Variants in CCSER1 observed in about 807,000 individuals in gnomAD.
CCSER1 encodes the protein coiled-coil serine rich protein 1, also known as serine-rich coiled-coil domain-containing protein 1.
In CCSER1, 41 loss-of-function variants were observed where a neutral mutation model predicts 82.0. That is an observed-to-expected ratio of 0.50 (90% CI 0.39 to 0.65). CCSER1 has a LOEUF of 0.65. Among genes scored for constraint, CCSER1 ranks in the 30% least tolerant of loss-of-function variants. The pLI is 0.00. For missense variants in CCSER1, 1,119 were observed against 1,064.2 expected (o/e 1.05, Z -0.72); for synonymous variants, 414 against 383.9 (o/e 1.08, Z -0.92).
intron 1 of CCSER1, among the ~76,000 whole-genome samples, chr4:90,305,586 A>G (rs941765205): frequency 6.6e-6 from 1 of 152,234 alleles, no homozygotes; most frequent in African/African-American, 2.4e-5. Flanking sequence ...GAAAAATTGT[A>G]AGAGCTAAAA....
chr4:90,915,993 C>A (rs976626294), intron 8 of CCSER1, among the ~76,000 whole-genome samples: 3 of 152,036 alleles, frequency 2.0e-5, no homozygotes, highest in African/African-American at 7.2e-5. Flanking sequence ...AACTTCAAAC[C>A]ACTGCTCAAT....
At chr4:90,491,441 A>G (rs911188229) in intron 5 of CCSER1, among the ~76,000 whole-genome samples, 4 of 152,180 alleles carry the variant, frequency 2.6e-5, no homozygotes, top group African/African-American at 9.7e-5. Context: ...TTTTCTAAAT[A>G]TACAATCATG....
At chr4:90,791,126 G>T (rs1755172578) in intron 7 of CCSER1, among the ~76,000 whole-genome samples, 1 of 152,016 alleles carries the variant, frequency 6.6e-6, no homozygotes, top group African/African-American at 2.4e-5. Flanking sequence ...TTGAGCGAAG[G>T]AGGATGCCCC....
At chr4:91,034,680 C>T (rs4693255) in intron 9 of CCSER1, among the ~76,000 whole-genome samples, 59,589 of 151,836 alleles carry the variant, frequency 0.39, 12,430 homozygotes, top group East Asian at 0.64. Context: ...TTATATCACT[C>T]TAGTTTCATC....
At chr4:91,420,547 T>C (rs1753630556) in intron 10 of CCSER1, among the ~76,000 whole-genome samples, 1 of 152,082 alleles carries the variant, frequency 6.6e-6, no homozygotes, top group Non-Finnish European at 1.5e-5. Context: ...ATAACAATTG[T>C]TGGCAAGTCT....
chr4:90,481,634 GT>G, intron 5 of CCSER1, among the ~76,000 whole-genome samples: 1 of 152,266 alleles, frequency 6.6e-6, no homozygotes, highest in Admixed American at 6.5e-5. Context: ...TAATCATGTG[GT>G]TTTTGTCATT....
chr4:91,027,192 A>G (rs1740559387), intron 9 of CCSER1, among the ~76,000 whole-genome samples: 1 of 152,146 alleles, frequency 6.6e-6, no homozygotes, highest in African/African-American at 2.4e-5. Context: ...TAATATAACT[A>G]TGTCCCATAG....
intron 10 of CCSER1, among the ~76,000 whole-genome samples, chr4:91,175,064 C>A (rs1200494960): frequency 6.6e-6 from 1 of 152,048 alleles, no homozygotes; most frequent in Non-Finnish European, 1.5e-5. Context: ...TGAGTGAGAA[C>A]ATGTGGTGTT....
chr4:91,575,594 T>C (rs7699803), intron 10 of CCSER1, among the ~76,000 whole-genome samples: 1 of 151,940 alleles, frequency 6.6e-6, no homozygotes, highest in African/African-American at 2.4e-5. Context: ...ACCAAATATC[T>C]ATCAAAATTC....
intron 5 of CCSER1, among the ~76,000 whole-genome samples, chr4:90,469,276 C>A (rs1764038636): frequency 6.6e-6 from 1 of 151,670 alleles, no homozygotes; most frequent in South Asian, 2.1e-4. Context: ...GTGAATAGGG[C>A]AATGTATATA....
At chr4:90,598,060 T>C (rs1460658657) in intron 5 of CCSER1, among the ~76,000 whole-genome samples, 1 of 152,088 alleles carries the variant, frequency 6.6e-6, no homozygotes, top group African/African-American at 2.4e-5. Flanking sequence ...ACTTAGGTTG[T>C]TTCCATATCT....
At chr4:90,160,129 T>C (rs1458507100) in intron 1 of CCSER1, among the ~76,000 whole-genome samples, 1 of 152,166 alleles carries the variant, frequency 6.6e-6, no homozygotes, top group African/African-American at 2.4e-5. Context: ...AACTCCATAG[T>C]AGTTGTTGCA....
intron 10 of CCSER1, among the ~76,000 whole-genome samples, chr4:91,447,943 T>C (rs1203004280): frequency 6.6e-6 from 1 of 152,098 alleles, no homozygotes; most frequent in Non-Finnish European, 1.5e-5. Context: ...TTATTAAGTG[T>C]ATATTATGTT....
chr4:91,247,913 G>A (rs749444797), intron 10 of CCSER1, among the ~76,000 whole-genome samples: 84 of 151,890 alleles, frequency 5.5e-4, no homozygotes, highest in Non-Finnish European at 8.1e-4. Flanking sequence ...CAAAAAACAC[G>A]AACCGGGACT....
At chr4:90,295,140 C>T (rs1579012649) in intron 1 of CCSER1, among the ~76,000 whole-genome samples, 1 of 151,866 alleles carries the variant, frequency 6.6e-6, no homozygotes, top group South Asian at 2.1e-4. Flanking sequence ...TATATTTTCA[C>T]TACAATAAGC....
rs1368701709 is a variant in CCSER1, at chr4:91,241,502, A to G, written c.2217+155508A>G. ...CACCACGCCCGGCTAATTTTTCTGT[A>G]TTTTTAATAGAGACGGGGTTTCCCT... is the stretch of plus-strand genomic sequence containing the variant. On this transcript the variant is annotated intron_variant, in intron 10 of 10. Transcript: ENST00000509176. 2.0e-5 allele frequency among the ~76,000 whole-genome samples: 3 copies of G among 148,552 alleles called. No individual in the cohort carries two copies. In the East Asian group the frequency reaches 5.9e-4, roughly 29 times the overall value.
chr4:90,284,836 T>C (rs138212589), intron 1 of CCSER1, among the ~76,000 whole-genome samples: 1,632 of 152,020 alleles, frequency 0.011, 15 homozygotes, highest in African/African-American at 0.023. Context: ...GGTCTAGTTT[T>C]ATTCTTCTGC....
intron 9 of CCSER1, among the ~76,000 whole-genome samples, chr4:91,052,191 T>C (rs1743066288): frequency 6.6e-6 from 1 of 152,062 alleles, no homozygotes; most frequent in Non-Finnish European, 1.5e-5. Flanking sequence ...GCTATCGTTA[T>C]ATAATCAGTG....
intron 5 of CCSER1, among the ~76,000 whole-genome samples, chr4:90,550,651 C>G (rs985983308): frequency 6.6e-6 from 1 of 151,956 alleles, no homozygotes; most frequent in Non-Finnish European, 1.5e-5. Flanking sequence ...TCAATGTAAC[C>G]TTACAAGTAT....
Sources: gnomAD v4.1 joint callset for allele counts (sites outside exome capture counted in the v4.1 genomes callset) on GRCh38, gnomAD v4.1.1 for gene constraint, MANE v1.5 for transcripts, NCBI Gene and HGNC (gene_info 2026-07-23, HGNC 2026-07-21) for gene names.